ZNF777: variants seen among roughly 807,000 people sequenced by gnomAD.
The protein encoded by ZNF777 is zinc finger protein 777.
A neutral mutation model predicts 72.1 loss-of-function variants in ZNF777; 7 were observed. That is an observed-to-expected ratio of 0.10 (90% CI 0.06 to 0.18). ZNF777 has a LOEUF of 0.18. ZNF777 is among the 10% of genes least tolerant of loss of function. The pLI is 1.00. For missense variants in ZNF777, 828 were observed against 1,128.6 expected (o/e 0.73, Z 3.82); for synonymous variants, 545 against 483.5 (o/e 1.13, Z -1.67).
At chr7:149,443,717 G>C (rs1289931282) in intron 4 of ZNF777, among the ~76,000 whole-genome samples, 1 of 151,984 alleles carries the variant, frequency 6.6e-6, no homozygotes. Context: ...TGAGTAGCCG[G>C]GATTACAGGC....
chr7:149,443,259 G>A (rs2116584046), intron 4 of ZNF777, among the ~76,000 whole-genome samples: 1 of 152,194 alleles, frequency 6.6e-6, no homozygotes, highest in East Asian at 1.9e-4. Flanking sequence ...CAATGATATA[G>A]TATTGAAAAA....
rs1340315454 is a variant in ZNF777, at chr7:149,455,660, G to T, written c.363C>A (p.Ser121=). The change falls in exon 2 of 6, where the codon TCC becomes TCA. Residue 121 remains serine, a synonymous_variant. Coordinates refer to ENST00000247930, the MANE Select transcript of ZNF777 (RefSeq NM_015694.3). This position sits in a 1 kb window ranked among gnomAD's most constrained non-coding sequence, Gnocchi z 4.2. ...GAACGGGGGCTTCCTGGTGGTGGGG[G>T]GAGTGGGAGAGAAGGGAGACTTCTT... is the stretch of plus-strand genomic sequence containing the variant. The part of the protein sequence containing the change: ...AEQEVSLLSH[S]PHHQEAPVHS... 1 of 1,563,856 alleles carries T rather than the reference G, an allele frequency of 6.4e-7. No homozygotes were observed. The highest frequency in any genetic ancestry group is 8.7e-7 in the Non-Finnish European group (1 of 1,154,254).
rs752442432 is a variant in ZNF777, at chr7:149,436,593, G to C, written c.1321C>G (p.Gln441Glu). The C allele has an allele frequency of 1.3e-5, 21 of 1,607,542 alleles. No individual in the cohort carries two copies. In the Admixed American group the frequency reaches 3.3e-4, roughly 26 times the overall value. Residue 441 changes from glutamine (Q) to glutamate (E), a missense_variant, in exon 5 of 6, where the codon CAG becomes GAG. Physicochemically the swap from Gln to Glu is conservative, Grantham distance 29 (BLOSUM62 2). Transcript: ENST00000247930. This position sits in a 1 kb window ranked among gnomAD's most constrained non-coding sequence, Gnocchi z 5.0. Reference sequence around the variant, plus strand: ...CACTCACCCGTGCAGTTCCTCTGCTGCACCAGCATCTGCTTCAGTTCGCTG... The same window carrying C: ...CACTCACCCGTGCAGTTCCTCTGCTCCACCAGCATCTGCTTCAGTTCGCTG... ...EFSELKQMLV[Q>E]QRNCTEGIVI...
intron 3 of ZNF777, among the ~76,000 whole-genome samples, chr7:149,453,152 G>C: frequency 6.6e-6 from 1 of 152,190 alleles, no homozygotes; most frequent in East Asian, 1.9e-4. Flanking sequence ...AAAAAGATGA[G>C]AGAGAACACA....
At position 149,460,498 on chromosome 7, in the gene ZNF777, T is replaced by TCCGGCC. The variant is rs1018808523; in HGVS notation, c.-16+311_-16+316dup. 7.3e-5 allele frequency among the ~76,000 whole-genome samples: 11 copies of TCCGGCC among 149,968 alleles called. No homozygotes were observed. The highest frequency in any genetic ancestry group is 4.2e-4 in the South Asian group (2 of 4,814). Reference sequence around the variant, plus strand: ...CTGCGGCCGCGGCTGGGACCCCAGCTCCGGCCCCGGCCCCGGCTGCGAGCT... The same window carrying TCCGGCC: ...CTGCGGCCGCGGCTGGGACCCCAGCTCCGGCCCCGGCCCCGGCCCCGGCTGCGAGCT... On this transcript the variant is annotated intron_variant, in intron 1 of 5. Transcript: ENST00000247930. This position sits in a 1 kb window ranked among gnomAD's most constrained non-coding sequence, Gnocchi z 6.1.
At chr7:149,442,517 G>A (rs573904111) in intron 4 of ZNF777, among the ~76,000 whole-genome samples, 1 of 151,752 alleles carries the variant, frequency 6.6e-6, no homozygotes, top group African/African-American at 2.4e-5. Context: ...CTACTCAGGA[G>A]GCTGAGGCAG....
At chr7:149,445,945 TG>T (rs1373605728) in intron 4 of ZNF777, among the ~76,000 whole-genome samples, 1 of 152,170 alleles carries the variant, frequency 6.6e-6, no homozygotes, top group Non-Finnish European at 1.5e-5. Context: ...CAAGCAGGTG[TG>T]GGGGTGCAAA....
intron 4 of ZNF777, among the ~76,000 whole-genome samples, chr7:149,445,477 C>T (rs960408257): frequency 6.6e-6 from 1 of 152,110 alleles, no homozygotes; most frequent in Non-Finnish European, 1.5e-5. Flanking sequence ...CTCTGTTTGG[C>T]CCATAGGGTG....
At position 149,432,273 on chromosome 7, in the gene ZNF777, G is replaced by C; in HGVS notation, c.1999C>G (p.Pro667Ala). ...THTGERPYTC[P>A]ECKKSFRLHI... Reference sequence around the variant, plus strand: ...AGGCGGAAGCTCTTCTTGCACTCGGGGCACGTGTAGGGCCGCTCACCCGTG... The same window carrying C: ...AGGCGGAAGCTCTTCTTGCACTCGGCGCACGTGTAGGGCCGCTCACCCGTG... Residue 667 changes from proline to alanine, a missense_variant, in exon 6 of 6, where the codon CCC becomes GCC. Coordinates refer to ENST00000247930, the MANE Select transcript of ZNF777 (RefSeq NM_015694.3). 6.2e-7 allele frequency: 1 copy of C among 1,601,686 alleles called. No individual in the cohort carries two copies. The highest frequency in any genetic ancestry group is 8.5e-7 in the Non-Finnish European group (1 of 1,177,094).
rs1468326517 is a variant in ZNF777 at position 149,460,380 on chromosome 7, C to A, written c.-16+435G>T. Among the ~76,000 whole-genome samples the A allele has an allele frequency of 5.5e-5, 8 of 145,714 alleles. No individual in the cohort carries two copies. Among genetic ancestry groups the A allele is most frequent in the Admixed American group, 1.4e-4 (2 of 14,704 alleles). On this transcript the variant is annotated intron_variant, in intron 1 of 5. Coordinates refer to ENST00000247930, the MANE Select transcript of ZNF777 (RefSeq NM_015694.3). The surrounding 1 kb of genome is among the most constrained non-coding windows in gnomAD (Gnocchi z 6.1). ...CCCGAGCGGCGGCGTCGGAGCTGGG[C>A]GCGCGGCTGTGCGGGCGGCCCGGCC...
At chr7:149,433,134 T>G (rs940372975) in intron 5 of ZNF777, among the ~76,000 whole-genome samples, 1 of 152,228 alleles carries the variant, frequency 6.6e-6, no homozygotes, top group Non-Finnish European at 1.5e-5. Context: ...CAGACTGGCC[T>G]TGCTGTTTGC....
intron 4 of ZNF777, among the ~76,000 whole-genome samples, chr7:149,441,230 A>T (rs528310637): frequency 6.6e-6 from 1 of 152,234 alleles, no homozygotes; most frequent in Non-Finnish European, 1.5e-5. Flanking sequence ...AGACACATAC[A>T]TTGTGGGAAT....
chr7:149,459,956 G>A (rs1799914214), intron 1 of ZNF777: 2 of 930,890 alleles, frequency 2.1e-6, no homozygotes, highest in Non-Finnish European at 2.6e-6. Flanking sequence ...CCCACCGCCC[G>A]GGTCAAGACG....
intron 3 of ZNF777, among the ~76,000 whole-genome samples, chr7:149,451,433 G>A (rs577241011): frequency 2.6e-5 from 4 of 152,190 alleles, no homozygotes; most frequent in Non-Finnish European, 5.9e-5. Flanking sequence ...GCTCACACCT[G>A]TAATCCCAGC....
In ZNF777 at chr7:149,436,526, G is replaced by T. The variant is rs778711813; in HGVS notation, c.1339+49C>A. 6.5e-7 allele frequency: 1 copy of T among 1,541,544 alleles called. No individual in the cohort carries two copies. The highest frequency in any genetic ancestry group is 2.3e-5 in the East Asian group (1 of 43,868). ...CTTTCCCAGGGGGCAGGGGCCCTCT[G>T]GGAGGCCTCATGGCAACCCTTCCCC... On this transcript the variant is annotated intron_variant, in intron 5 of 5. Coordinates refer to ENST00000247930, the MANE Select transcript of ZNF777 (RefSeq NM_015694.3). This position sits in a 1 kb window ranked among gnomAD's most constrained non-coding sequence, Gnocchi z 5.0.
intron 1 of ZNF777, among the ~76,000 whole-genome samples, chr7:149,458,791 T>C (rs143996215): frequency 1.6e-4 from 24 of 152,294 alleles, no homozygotes; most frequent in African/African-American, 5.8e-4. Flanking sequence ...CAGAAAGAAA[T>C]GACCAAAGAG....
At chr7:149,444,838 C>A (rs1799577481) in intron 4 of ZNF777, among the ~76,000 whole-genome samples, 1 of 152,186 alleles carries the variant, frequency 6.6e-6, no homozygotes, top group Non-Finnish European at 1.5e-5. Context: ...CTCTGAAATT[C>A]CGTGCTGAAA....
intron 4 of ZNF777, among the ~76,000 whole-genome samples, chr7:149,445,412 CA>C (rs1403508388): frequency 6.6e-6 from 1 of 152,140 alleles, no homozygotes; most frequent in Non-Finnish European, 1.5e-5. Context: ...TAAAAGGGGA[CA>C]CTCAAGAGAA....
intron 1 of ZNF777, among the ~76,000 whole-genome samples, chr7:149,457,016 G>T (rs912085945): frequency 6.6e-6 from 1 of 152,162 alleles, no homozygotes; most frequent in African/African-American, 2.4e-5. Flanking sequence ...TGGGGTTTCC[G>T]ACATGGGGAA....
Sources: allele counts gnomAD v4.1 joint callset (sites outside exome capture counted in the v4.1 genomes callset), GRCh38; gene constraint gnomAD v4.1.1; non-coding constraint Gnocchi (gnomAD v3.1); transcripts MANE v1.5; gene names NCBI Gene and HGNC (gene_info 2026-07-23, HGNC 2026-07-21).